The following CPA4 variants were observed in gnomAD, a reference collection of about 807,000 sequenced individuals.
CPA4 encodes carboxypeptidase A4.
CPA4 carries 49 observed loss-of-function variants against 54.7 expected under a neutral mutation model. That is an observed-to-expected ratio of 0.90 (90% CI 0.71 to 1.14). The LOEUF (loss-of-function observed/expected upper bound fraction) is 1.14, where lower values mean the gene tolerates loss of function less well. Ranked by LOEUF, CPA4 falls within the 50% of genes most tolerant of loss-of-function variation. The pLI is 0.00. For missense variants in CPA4, 487 were observed against 525.1 expected, an observed-to-expected ratio of 0.93 and a Z score of 0.71; for synonymous variants, 215 against 206.8, an observed-to-expected ratio of 1.04 and a Z score of -0.34.
In CPA4 at chr7:130,322,648, T is replaced by C. The variant is rs138648309; in HGVS notation, c.1238T>C (p.Met413Thr). 81 of 1,614,110 alleles carry C rather than the reference T, an allele frequency of 5.0e-5. 1 individual carries two copies. In the African/African-American group the frequency reaches 9.1e-4, roughly 18 times the overall value. ...EETWLGLKTI[M>T]EHVRDNLY ...ACGTGGCTGGGGCTGAAGACCATCA[T>C]GGAGCATGTGCGGGACAACCTCTAC... is the stretch of plus-strand genomic sequence containing the variant. Residue 413 changes from methionine (M) to threonine (T), a missense_variant, in exon 11 of 11, where the codon ATG (methionine) becomes ACG (threonine). By Grantham distance (81) the Met-to-Thr change is moderately conservative. Coordinates refer to ENST00000222482, the MANE Select transcript of CPA4 (RefSeq NM_016352.4).
intron 8 of CPA4, among the ~76,000 whole-genome samples, chr7:130,309,152 T>C (rs896380726): frequency 1.3e-5 from 2 of 152,240 alleles, no homozygotes; most frequent in African/African-American, 4.8e-5. Flanking sequence ...GGACTGTTTG[T>C]TGTTTTTTAA....
chr7:130,311,250 T>C (rs556988087), intron 9 of CPA4, among the ~76,000 whole-genome samples: 1 of 152,168 alleles, frequency 6.6e-6, no homozygotes. Flanking sequence ...CTGACTGCCA[T>C]GTATTGTGGA....
chr7:130,299,191 C>A, intron 2 of CPA4, 79 bp from the exon 3 acceptor site: 1 of 1,429,642 alleles, frequency 7.0e-7, no homozygotes, highest in Non-Finnish European at 9.8e-7. Context: ...TGGCTTTTGG[C>A]AGTGTTCTAG....
chr7:130,299,306 C>T lies in CPA4; in HGVS notation c.187C>T (p.Pro63Ser), dbSNP rs1323556651. 3 of 1,613,644 alleles carry T rather than the reference C, an allele frequency of 1.9e-6. No individual in the cohort carries two copies. Among genetic ancestry groups the T allele is most frequent in the Admixed American group, 1.7e-5 (1 of 60,030 alleles). ...GAAATCTCCCTCCTCCTTCAATCGG[C>T]CTGTGGATGTCCTGGTCCCATCTGT... Reference protein sequence around the residue: ...FWKSPSSFNRPVDVLVPSVSL... With the variant: ...FWKSPSSFNRSVDVLVPSVSL... Residue 63 changes from proline (P) to serine (S), a missense_variant, in exon 3 of 11, where the codon CCT (proline) becomes TCT (serine). Transcript: ENST00000222482.
At position 130,300,837 on chromosome 7, in the gene CPA4, G is replaced by C. The variant is rs1359752655; in HGVS notation, c.307G>C (p.Asp103His). The C allele has an allele frequency of 6.2e-7, 1 of 1,613,438 alleles. No individual in the cohort carries two copies. The highest frequency in any genetic ancestry group is 1.1e-5 in the South Asian group (1 of 91,058). The change falls in exon 4 of 11, where the codon GAT becomes CAT. Residue 103 changes from aspartate (D) to histidine (H), a missense_variant. Physicochemically the swap from Asp to His is moderately conservative, Grantham distance 81. Coordinates refer to ENST00000222482, the MANE Select transcript of CPA4 (RefSeq NM_016352.4). The part of the protein sequence containing the change: ...DLQALLDNED[D>H]EMQHNEGQER... The stretch of plus-strand genomic sequence containing the variant: ...TCAGGCCCTTTTAGACAATGAAGAT[G>C]ATGAAATGCAACACAATGAAGGGCA...
chr7:130,306,232 C>T (rs1793818940), intron 6 of CPA4: 1 of 356,936 alleles, frequency 2.8e-6, no homozygotes, highest in Non-Finnish European at 5.2e-6. Context: ...CCTCGGGGAC[C>T]TCACGCCATC....
intron 8 of CPA4, among the ~76,000 whole-genome samples, chr7:130,308,850 C>CTT (rs1249548992): frequency 1.0e-4 from 12 of 120,272 alleles, no homozygotes; most frequent in South Asian, 2.5e-4. Flanking sequence ...CTAGCCCAGC[C>CTT]TTTTTTTTTT....
At chr7:130,301,833 C>T (rs778244496) in intron 4 of CPA4, among the ~76,000 whole-genome samples, 6 of 152,298 alleles carry the variant, frequency 3.9e-5, no homozygotes, top group African/African-American at 1.2e-4. Flanking sequence ...CAGTGACATA[C>T]ATCTGCAAAA....
At chr7:130,309,628 A>T (rs1159732990) in intron 8 of CPA4, among the ~76,000 whole-genome samples, 1 of 152,188 alleles carries the variant, frequency 6.6e-6, no homozygotes, top group East Asian at 1.9e-4. Context: ...GAATTTTATG[A>T]TCTGAAATGA....
At position 130,304,549 on chromosome 7, in the gene CPA4, G is replaced by A. The variant is rs748182049; in HGVS notation, c.456G>A (p.Ser152=). The change falls in exon 5 of 11, where the codon TCG becomes TCA. Residue 152 remains serine (S), a synonymous_variant. Coordinates refer to ENST00000222482, the MANE Select transcript of CPA4 (RefSeq NM_016352.4). Reference sequence around the variant, plus strand: ...CGAGGAGGGTGAAGATTGGACATTCGTTTGAAAACCGGCCGATGTATGTAC... The same window carrying A: ...CGAGGAGGGTGAAGATTGGACATTCATTTGAAAACCGGCCGATGTATGTAC... ...DLARRVKIGH[S]FENRPMYVLK... 42 of 1,613,212 alleles carry A rather than the reference G, an allele frequency of 2.6e-5. No homozygotes were observed. The highest frequency in any genetic ancestry group is 8.8e-5 in the South Asian group (8 of 91,076).
At chr7:130,307,572 C>A (rs1275546515) in intron 7 of CPA4, among the ~76,000 whole-genome samples, 1 of 145,056 alleles carries the variant, frequency 6.9e-6, no homozygotes, top group Non-Finnish European at 1.5e-5. Flanking sequence ...GCGGAGCTTG[C>A]AGTGAGCCGA....
At chr7:130,295,947 C>A (rs1793642050) in intron 1 of CPA4, among the ~76,000 whole-genome samples, 1 of 152,162 alleles carries the variant, frequency 6.6e-6, no homozygotes, top group Non-Finnish European at 1.5e-5. Context: ...CTATTGCACT[C>A]CAGCCTGGGC....
chr7:130,298,144 C>T (rs1001027228), intron 1 of CPA4, among the ~76,000 whole-genome samples: 11 of 152,142 alleles, frequency 7.2e-5, no homozygotes, highest in African/African-American at 2.2e-4. Flanking sequence ...AGGGACTGAG[C>T]GAGCACCCAG....
chr7:130,313,509 G>A (rs1437323461), intron 10 of CPA4, among the ~76,000 whole-genome samples: 2 of 152,042 alleles, frequency 1.3e-5, no homozygotes, highest in Non-Finnish European at 2.9e-5. Flanking sequence ...CAGCTGAGGA[G>A]TCTAGTTGGT....
At position 130,305,929 on chromosome 7, in the gene CPA4, G is replaced by T. The variant is rs561619635; in HGVS notation, c.591+9G>T. ...TCTGGACGGCAAGGAAGGTCATGCT[G>T]CGTGGTATTAGCCAGGAATGCTGAT... is the stretch of plus-strand genomic sequence containing the variant. On this transcript the variant is annotated intron_variant, in intron 6 of 10. Transcript: ENST00000222482. 2 of 1,607,344 alleles carry T rather than the reference G, an allele frequency of 1.2e-6. No homozygotes were observed. The highest frequency in any genetic ancestry group is 2.7e-5 in the African/African-American group (2 of 74,882).
intron 8 of CPA4, among the ~76,000 whole-genome samples, chr7:130,308,706 C>T (rs552124321): frequency 2.7e-4 from 37 of 136,590 alleles, no homozygotes; most frequent in African/African-American, 9.1e-4. Context: ...TGCAGGTGCA[C>T]GCCACCACGC....
rs201080312 is a variant in CPA4 at position 130,298,732 on chromosome 7, C to T, written c.69-14C>T. On this transcript the variant is annotated splice_polypyrimidine_tract_variant and intron_variant, in intron 1 of 10. Transcript: ENST00000222482. Reference sequence around the variant, plus strand: ...TTATCTTTTGCTCTTTTTTCCTTTTCGCTTCTTCCCCAGGGACCAAGTTTT... The same window carrying T: ...TTATCTTTTGCTCTTTTTTCCTTTTTGCTTCTTCCCCAGGGACCAAGTTTT... 48 of 1,562,162 alleles carry T rather than the reference C, an allele frequency of 3.1e-5. No homozygotes were observed. The highest frequency in any genetic ancestry group is 3.4e-4 in the Middle Eastern group (2 of 5,942).
At chr7:130,321,125 G>T (rs1452939709) in intron 10 of CPA4, among the ~76,000 whole-genome samples, 1 of 152,138 alleles carries the variant, frequency 6.6e-6, no homozygotes, top group Non-Finnish European at 1.5e-5. Flanking sequence ...AGCCTAGGAG[G>T]TCAAGGCTGC....
chr7:130,298,609 T>C (rs1488378640), intron 1 of CPA4, 137 bp from the exon 2 acceptor site: 12 of 577,452 alleles, frequency 2.1e-5, no homozygotes, highest in Non-Finnish European at 3.8e-5. Flanking sequence ...TTAATGGCCA[T>C]ACATTAAAAC....
Sources: allele counts gnomAD v4.1 joint callset (sites outside exome capture counted in the v4.1 genomes callset), GRCh38; gene constraint gnomAD v4.1.1; transcripts MANE v1.5; gene names NCBI Gene and HGNC (gene_info 2026-07-23, HGNC 2026-07-21).